PDE4D: variants seen among roughly 807,000 people sequenced by gnomAD.
PDE4D encodes the protein phosphodiesterase 4D, also known as 3',5'-cyclic-AMP phosphodiesterase 4D.
A neutral mutation model predicts 87.4 loss-of-function variants in PDE4D; 24 were observed. The ratio of observed to expected loss-of-function variants is 0.27; its 90% confidence interval spans 0.20 to 0.39. The LOEUF (loss-of-function observed/expected upper bound fraction) is 0.39, where lower values mean the gene tolerates loss of function less well. Among genes scored for constraint, PDE4D ranks in the 10% least tolerant of loss-of-function variants. The probability of loss-of-function intolerance (pLI) is 1.00; values close to 1 mark genes in which losing one functional copy is unlikely to be tolerated. For missense variants in PDE4D, 714 were observed against 1,041.0 expected, an observed-to-expected ratio of 0.69 and a Z score of 4.32; for synonymous variants, 384 against 383.2, an observed-to-expected ratio of 1.00 and a Z score of -0.02.
At chr5:59,144,432 G>A (rs958488197) in intron 5 of PDE4D, among the ~76,000 whole-genome samples, 11 of 152,106 alleles carry the variant, frequency 7.2e-5, no homozygotes, top group African/African-American at 2.4e-4. Context: ...GTTCAGAGAT[G>A]ACAAAATGAG....
At chr5:59,194,753 T>C (rs908513707) in intron 2 of PDE4D, among the ~76,000 whole-genome samples, 7 of 152,168 alleles carry the variant, frequency 4.6e-5, no homozygotes, top group Admixed American at 2.6e-4. Context: ...CATTGGGTTT[T>C]ATGATCATTT....
chr5:59,696,966 C>T (rs1038622656), intron 1 of PDE4D, among the ~76,000 whole-genome samples: 1 of 151,974 alleles, frequency 6.6e-6, no homozygotes, highest in Non-Finnish European at 1.5e-5. Flanking sequence ...GTAAGAAAAC[C>T]CCAAAATAGA....
chr5:60,160,598 T>TTCC (rs1782391747), intron 2 of PDE4D, among the ~76,000 whole-genome samples: 2 of 152,326 alleles, frequency 1.3e-5, no homozygotes, highest in South Asian at 4.1e-4. Context: ...TTATTAGTCC[T>TTCC]TCCTTTCTAA....
chr5:59,854,744 A>G (rs1745174859), intron 1 of PDE4D, among the ~76,000 whole-genome samples: 1 of 152,076 alleles, frequency 6.6e-6, no homozygotes, highest in South Asian at 2.1e-4. Flanking sequence ...CACCCTATAT[A>G]ATAGAGACAA....
chr5:59,988,761 A>C, intron 2 of PDE4D: 1 of 1,104,824 alleles, frequency 9.1e-7, no homozygotes, highest in South Asian at 1.4e-5. Context: ...AACAAAAATC[A>C]CACTGTTTAT....
At chr5:59,366,180 A>G (rs1783028644) in intron 1 of PDE4D, among the ~76,000 whole-genome samples, 1 of 151,988 alleles carries the variant, frequency 6.6e-6, no homozygotes, top group Non-Finnish European at 1.5e-5. Flanking sequence ...ATATTAGGTG[A>G]GCAATTATTC....
intron 1 of PDE4D, among the ~76,000 whole-genome samples, chr5:59,283,503 G>T (rs561802596): frequency 1.4e-4 from 21 of 152,010 alleles, no homozygotes; most frequent in African/African-American, 4.8e-4. Context: ...AGCCTTTTTT[G>T]TGTGTTAAAT....
At chr5:60,441,405 A>T (rs558284132) in intron 1 of PDE4D, among the ~76,000 whole-genome samples, 31 of 152,194 alleles carry the variant, frequency 2.0e-4, no homozygotes, top group Non-Finnish European at 4.3e-4. Flanking sequence ...CTGAAACTGG[A>T]CCCCTTCCTT....
At chr5:59,089,091 A>G (rs1253105664) in intron 5 of PDE4D, among the ~76,000 whole-genome samples, 1 of 152,190 alleles carries the variant, frequency 6.6e-6, no homozygotes, top group African/African-American at 2.4e-5. Flanking sequence ...CTTGCCTATT[A>G]ATCTATACTT....
At chr5:60,445,173 G>A (rs1745547118) in intron 1 of PDE4D, among the ~76,000 whole-genome samples, 3 of 152,198 alleles carry the variant, frequency 2.0e-5, no homozygotes, top group East Asian at 1.9e-4. Context: ...ACATTATGAC[G>A]ACCATCTGGT....
intron 2 of PDE4D, among the ~76,000 whole-genome samples, chr5:60,159,047 T>A (rs1023166174): frequency 6.6e-6 from 1 of 152,228 alleles, no homozygotes; most frequent in Admixed American, 6.5e-5. Flanking sequence ...TTTCTTTATA[T>A]CCTTATTCTG....
At chr5:59,680,663 C>G (rs1748852956) in intron 1 of PDE4D, among the ~76,000 whole-genome samples, 1 of 152,066 alleles carries the variant, frequency 6.6e-6, no homozygotes, top group South Asian at 2.1e-4. Context: ...TAAAAGTCTA[C>G]TTACTGAAAT....
chr5:60,419,442 A>G (rs894474617), intron 1 of PDE4D, among the ~76,000 whole-genome samples: 2 of 151,944 alleles, frequency 1.3e-5, no homozygotes, highest in African/African-American at 2.4e-5. Context: ...AGAGGATTTC[A>G]TATATATCTA....
intron 6 of PDE4D, among the ~76,000 whole-genome samples, chr5:59,022,208 T>C (rs1755304847): frequency 6.6e-6 from 1 of 152,084 alleles, no homozygotes; most frequent in Admixed American, 6.6e-5. Context: ...ACTTCAAGGT[T>C]CTCCTAAAGG....
At chr5:60,425,303 C>T (rs922593118) in intron 1 of PDE4D, among the ~76,000 whole-genome samples, 17 of 152,170 alleles carry the variant, frequency 1.1e-4, no homozygotes, top group Admixed American at 6.5e-4. Flanking sequence ...GCTACAGTAA[C>T]CAAAACAGCA....
intron 1 of PDE4D, among the ~76,000 whole-genome samples, chr5:60,223,939 T>C (rs1356751986): frequency 6.6e-6 from 1 of 152,108 alleles, no homozygotes; most frequent in Non-Finnish European, 1.5e-5. Flanking sequence ...AAATGAAGGT[T>C]CCTCACCATC....
At chr5:59,714,517 G>A (rs968517760) in intron 1 of PDE4D, among the ~76,000 whole-genome samples, 1 of 152,228 alleles carries the variant, frequency 6.6e-6, no homozygotes, top group African/African-American at 2.4e-5. Context: ...GTAAACACCA[G>A]CGCTGATATA....
chr5:59,351,977 CAGG>C (rs537229146), intron 1 of PDE4D, among the ~76,000 whole-genome samples: 16 of 152,176 alleles, frequency 1.1e-4, no homozygotes, highest in African/African-American at 3.1e-4. Context: ...GGAGAGGGAC[CAGG>C]AGTCCTGGTT....
chr5:59,047,146 T>C (rs1030814613), intron 5 of PDE4D, among the ~76,000 whole-genome samples: 5 of 152,228 alleles, frequency 3.3e-5, no homozygotes, highest in Non-Finnish European at 7.3e-5. Flanking sequence ...TCTCCTGGAC[T>C]CAAGTCTCTA....
Sources: gnomAD v4.1 joint callset for allele counts (sites outside exome capture counted in the v4.1 genomes callset) on GRCh38, gnomAD v4.1.1 for gene constraint, MANE v1.5 for transcripts, NCBI Gene and HGNC (gene_info 2026-07-23, HGNC 2026-07-21) for gene names.